Variants in ANKS1A observed in about 807,000 individuals in gnomAD.
ANKS1A encodes the protein ankyrin repeat and SAM domain-containing protein 1A.
In ANKS1A, 55 loss-of-function variants were observed where a neutral mutation model predicts 120.3. The observed-to-expected ratio is 0.46, with a 90% CI of 0.37 to 0.57. The LOEUF is 0.57. Among genes scored for constraint, ANKS1A ranks in the 20% least tolerant of loss-of-function variants. The pLI is 0.00. For synonymous variants in ANKS1A, 590 were observed against 604.7 expected, an observed-to-expected ratio of 0.98 and a Z score of 0.36; for missense variants, 1,123 against 1,480.3, an observed-to-expected ratio of 0.76 and a Z score of 3.96.
chr6:34,940,251 G>A (rs551472112), intron 1 of ANKS1A, among the ~76,000 whole-genome samples: 53 of 152,312 alleles, frequency 3.5e-4, no homozygotes, highest in African/African-American at 1.2e-3. Context: ...CTTATCTTGC[G>A]GAGCACTTTG....
chr6:34,915,385 T>G (rs1349353294), intron 1 of ANKS1A, among the ~76,000 whole-genome samples: 1 of 152,190 alleles, frequency 6.6e-6, no homozygotes, highest in African/African-American at 2.4e-5. Context: ...TTTAGGCCTA[T>G]GTAGGTTTTT....
intron 10 of ANKS1A, among the ~76,000 whole-genome samples, chr6:35,012,316 T>C (rs918064852): frequency 6.6e-6 from 1 of 152,224 alleles, no homozygotes; most frequent in Non-Finnish European, 1.5e-5. Context: ...ATTTGTCTTA[T>C]CAAATTGCAG....
At position 35,060,345 on chromosome 6, in the gene ANKS1A, C is replaced by G. The variant is rs1776437072; in HGVS notation, c.2184+92C>G. 1.8e-6 allele frequency: 2 copies of G among 1,139,386 alleles called. No individual in the cohort carries two copies. The highest frequency in any genetic ancestry group is 3.1e-5 in the African/African-American group (2 of 65,160). The allele number at this position is 1,139,386 out of a possible 1,614,324, so 70.6% of individuals were successfully genotyped here. A position where few individuals can be genotyped will look rare whatever the true frequency, so the allele number is the denominator to read the frequency against. On this transcript the variant is annotated intron_variant, in intron 13 of 23. Coordinates refer to ENST00000360359, the MANE Select transcript of ANKS1A (RefSeq NM_015245.3). The surrounding 1 kb of genome is among the most constrained non-coding windows in gnomAD (Gnocchi z 4.5). ...CCTCTGGCCCCACAGGAGTCTGCAA[C>G]AGTACGTAGACCCAAATCCCAGGGA...
rs914453087 is a variant in ANKS1A at position 35,058,848 on chromosome 6, G to T, written c.2078-1299G>T. Among the ~76,000 whole-genome samples, 11 of 152,194 alleles carry T rather than the reference G, an allele frequency of 7.2e-5. No individual in the cohort carries two copies. The highest frequency in any genetic ancestry group is 1.5e-4 in the Non-Finnish European group (10 of 68,034). On this transcript the variant is annotated intron_variant, in intron 12 of 23. Coordinates refer to ENST00000360359, the MANE Select transcript of ANKS1A (RefSeq NM_015245.3). The surrounding 1 kb of genome is among the most constrained non-coding windows in gnomAD (Gnocchi z 5.1). ...GTCTGCCAGAAAGGGCTGAACTTCT[G>T]TCCTCCCTGCACCACCAAAATCCCC... is the stretch of plus-strand genomic sequence containing the variant.
rs910680217 is a variant in ANKS1A, at chr6:35,058,888, G to T, written c.2078-1259G>T. Among the ~76,000 whole-genome samples the T allele has an allele frequency of 6.6e-6, 1 of 152,184 alleles. No individual in the cohort carries two copies. Among genetic ancestry groups the T allele is most frequent in the Non-Finnish European group, 1.5e-5 (1 of 68,036 alleles). On this transcript the variant is annotated intron_variant, in intron 12 of 23. Coordinates refer to ENST00000360359, the MANE Select transcript of ANKS1A (RefSeq NM_015245.3). The surrounding 1 kb of genome is among the most constrained non-coding windows in gnomAD (Gnocchi z 5.1). ...CCAAAATCCCCATGCTGATCGAGGA[G>T]CAAATAGATGTCCTCCCTTCCCTGC...
In ANKS1A at chr6:35,017,842, G is replaced by A. The variant is rs200045369; in HGVS notation, c.1793G>A (p.Gly598Glu). 6.2e-7 allele frequency: 1 copy of A among 1,614,206 alleles called. No homozygotes were observed. The highest frequency in any genetic ancestry group is 8.5e-7 in the Non-Finnish European group (1 of 1,180,032). ...CCGCACCCTGGTGGTGCTGAGGAAG[G>A]AGACCGGAGTGGGGCCAGGAGCCGA... is the stretch of plus-strand genomic sequence containing the variant. ...ASPHPGGAEE[G>E]DRSGARSRAP... is the part of the protein sequence containing the mutation. Residue 598 changes from glycine to glutamate, a missense_variant, in exon 11 of 24, where the codon GGA (glycine) becomes GAA (glutamate). By Grantham distance (98) the Gly-to-Glu change is moderately conservative (BLOSUM62 -2). Coordinates refer to ENST00000360359, the MANE Select transcript of ANKS1A (RefSeq NM_015245.3).
At chr6:35,000,922 A>T (rs1013635319) in intron 10 of ANKS1A, among the ~76,000 whole-genome samples, 1 of 152,204 alleles carries the variant, frequency 6.6e-6, no homozygotes, top group African/African-American at 2.4e-5. Context: ...AGCTAAAGTT[A>T]AAAAGGTATC....
intron 9 of ANKS1A, among the ~76,000 whole-genome samples, chr6:34,992,660 A>T (rs887820838): frequency 1.3e-5 from 2 of 152,178 alleles, no homozygotes; most frequent in African/African-American, 4.8e-5. Flanking sequence ...TGTTCCCTTA[A>T]TTGTGTTCCT....
chr6:34,969,961 G>A lies in ANKS1A; in HGVS notation c.279-49G>A, dbSNP rs150286932. ...ATATAGGTGTAAAGAGCTGTTAGCT[G>A]GAAAGACTTCTGAGTTCTACCAACT... On this transcript the variant is annotated intron_variant, in intron 2 of 23. Transcript: ENST00000360359. 103 of 1,594,940 alleles carry A rather than the reference G, an allele frequency of 6.5e-5. 1 individual carries two copies. The highest frequency in any genetic ancestry group is 2.8e-4 in the South Asian group (25 of 87,770).
At chr6:34,938,712 G>A (rs1315429494) in intron 1 of ANKS1A, among the ~76,000 whole-genome samples, 1 of 152,182 alleles carries the variant, frequency 6.6e-6, no homozygotes, top group African/African-American at 2.4e-5. Context: ...TTTCTGGGCC[G>A]GGCATGGTGG....
intron 10 of ANKS1A, among the ~76,000 whole-genome samples, chr6:35,003,530 G>C (rs150578397): frequency 6.6e-6 from 1 of 152,312 alleles, no homozygotes; most frequent in Non-Finnish European, 1.5e-5. Context: ...TACAAGTGTA[G>C]CATGGATTCG....
chr6:34,944,963 G>A (rs1035831891), intron 1 of ANKS1A, among the ~76,000 whole-genome samples: 23 of 152,054 alleles, frequency 1.5e-4, no homozygotes, highest in African/African-American at 4.8e-4. Flanking sequence ...CATGAAAGTC[G>A]GTGTTGTACC....
intron 11 of ANKS1A, among the ~76,000 whole-genome samples, chr6:35,051,315 C>T (rs1775951169): frequency 6.6e-6 from 1 of 152,246 alleles, no homozygotes; most frequent in South Asian, 2.1e-4. Context: ...GGGTGCTCAA[C>T]TCTGTTCACT....
intron 10 of ANKS1A, among the ~76,000 whole-genome samples, chr6:34,997,527 A>C (rs1426787584): frequency 6.6e-6 from 1 of 152,292 alleles, no homozygotes; most frequent in African/African-American, 2.4e-5. Context: ...AAACATTTAG[A>C]AAAGGTGAAG....
chr6:35,085,713 G>T lies in ANKS1A; in HGVS notation c.3133-53G>T, dbSNP rs1176993950. 67 of 1,528,992 alleles carry T rather than the reference G, an allele frequency of 4.4e-5. No homozygotes were observed. Among genetic ancestry groups the T allele is most frequent in the Non-Finnish European group, 5.6e-5 (64 of 1,137,402 alleles). The allele number at this position is 1,528,992 out of a possible 1,614,324, so 94.7% of individuals were successfully genotyped here. On this transcript the variant is annotated intron_variant, in intron 21 of 23. Transcript: ENST00000360359. This position sits in a 1 kb window ranked among gnomAD's most constrained non-coding sequence, Gnocchi z 4.7. ...GTCCCTGCGAGGAAGGGCATATCCA[G>T]TGTGAAGCGGCTCCTGAACCAGGTG... is the stretch of plus-strand genomic sequence containing the variant.
intron 1 of ANKS1A, among the ~76,000 whole-genome samples, chr6:34,917,570 A>G (rs1768228266): frequency 6.6e-6 from 1 of 152,216 alleles, no homozygotes; most frequent in Admixed American, 6.5e-5. Flanking sequence ...ACTCTGTTAA[A>G]CTAACCTGAA....
At chr6:34,933,290 G>C (rs847855) in intron 1 of ANKS1A, among the ~76,000 whole-genome samples, 2 of 152,246 alleles carry the variant, frequency 1.3e-5, no homozygotes, top group South Asian at 4.1e-4. Flanking sequence ...TGTCTTTGGC[G>C]AAATAGATTT....
intron 11 of ANKS1A, among the ~76,000 whole-genome samples, chr6:35,043,390 C>G (rs1417260661): frequency 2.0e-5 from 3 of 152,154 alleles, no homozygotes; most frequent in African/African-American, 4.8e-5. Flanking sequence ...GAAAGAAGGG[C>G]TGAAAATTTC....
intron 11 of ANKS1A, among the ~76,000 whole-genome samples, chr6:35,032,769 C>T (rs575698747): frequency 6.6e-6 from 1 of 152,236 alleles, no homozygotes; most frequent in South Asian, 2.1e-4. Flanking sequence ...TAAGGTAGAG[C>T]CCTTTTTTAT....
Sources: allele counts gnomAD v4.1 joint callset (sites outside exome capture counted in the v4.1 genomes callset), GRCh38; gene constraint gnomAD v4.1.1; non-coding constraint Gnocchi (gnomAD v3.1); transcripts MANE v1.5; gene names NCBI Gene and HGNC (gene_info 2026-07-23, HGNC 2026-07-21).